The following OSCAR variants were observed in gnomAD, a reference collection of about 807,000 sequenced individuals.
The protein encoded by OSCAR is osteoclast associated Ig-like receptor.
OSCAR carries 25 observed loss-of-function variants against 27.3 expected under a neutral mutation model. The ratio of observed to expected loss-of-function variants is 0.92; its 90% CI spans 0.67 to 1.28. The LOEUF (loss-of-function observed/expected upper bound fraction) is 1.28, where lower values mean the gene tolerates loss of function less well. Ranked by LOEUF, OSCAR falls within the 50% of genes most tolerant of loss-of-function variation. The pLI, the probability that OSCAR is intolerant of heterozygous loss-of-function variation, is 0.00. For missense variants in OSCAR, 354 were observed against 355.1 expected (o/e 1.00, Z 0.03); for synonymous variants, 158 against 165.7 (o/e 0.95, Z 0.36).
intron 3 of OSCAR, among the ~76,000 whole-genome samples, chr19:54,096,625 T>TCTCTCTGCCTCC (rs2072738125): frequency 6.7e-6 from 1 of 149,084 alleles, no homozygotes; most frequent in African/African-American, 2.5e-5. Context: ...TGCCTCCCTC[T>TCTCTCTGCCTCC]CTCTCTGCCT....
rs1021279192 is a variant in OSCAR, at chr19:54,095,151, C to G, written c.*70G>C. 21 of 1,546,448 alleles carry G rather than the reference C, an allele frequency of 1.4e-5. No individual in the cohort carries two copies. The African/African-American group carries it at 1.5e-4, about 11-fold the overall frequency. ...AGGACTGTGGGGCTGCAGGAAAGGA[C>G]AGTCCAGCCCAGGGTCCCAGCTTCT... is the stretch of plus-strand genomic sequence containing the variant. On this transcript the variant is annotated 3_prime_UTR_variant, in exon 5 of 5. Transcript: ENST00000358375.
At chr19:54,099,692 G>A in intron 2 of OSCAR, 56 bp downstream of exon 2, 1 of 1,613,820 alleles carries the variant, frequency 6.2e-7, no homozygotes, top group Non-Finnish European at 8.5e-7. Flanking sequence ...TAAAATCTGA[G>A]TAATTGGAAA....
rs1338152705 is a variant in OSCAR, at chr19:54,096,130, C to G, written c.397G>C (p.Val133Leu). ...VTEELPRPSL[V>L]ALPGPVVGPG... ...CCCACCACCGGCCCGGGCAGCGCCA[C>G]CAGCGACGGCCGCGGCAGCTCCTCT... Residue 133 changes from valine (V) to leucine (L), a missense_variant, in exon 4 of 5, where the codon GTG becomes CTG. Coordinates refer to ENST00000358375, the MANE Select transcript of OSCAR (RefSeq NM_133169.6). 2 of 1,524,434 alleles carry G rather than the reference C, an allele frequency of 1.3e-6. No homozygotes were observed. The highest frequency in any genetic ancestry group is 1.8e-6 in the Non-Finnish European group (2 of 1,142,704). The allele number at this position is 1,524,434 out of a possible 1,614,324, so 94.4% of individuals were successfully genotyped here.
chr19:54,099,722 GGA>G lies in OSCAR; in HGVS notation c.70+24_70+25del, dbSNP rs748425657. On this transcript the variant is annotated intron_variant, in intron 2 of 4. Transcript: ENST00000358375. ...TGGAAAAGGGGTGTCAGCAACAAAA[GGA>G]GAGTGGATGGGGTGGCTACTCACCA... 3.1e-6 allele frequency: 5 copies of G among 1,613,792 alleles called. No individual in the cohort carries two copies. In the East Asian group the frequency reaches 1.1e-4, roughly 36 times the overall value.
Position 54,095,298 on chromosome 19 carries a change from C to G in OSCAR, c.715G>C (p.Val239Leu), listed in dbSNP as rs757606507. Residue 239 changes from valine to leucine, a missense_variant, in exon 5 of 5, where the codon GTC becomes CTC. Coordinates refer to ENST00000358375, the MANE Select transcript of OSCAR (RefSeq NM_133169.6). The part of the protein sequence containing the change: ...NLVRLGLAGL[V>L]LISLGALVTF... The stretch of plus-strand genomic sequence containing the variant: ...ACCAGCGCGCCCAGGGAGATGAGGA[C>G]CAGCCCGGCCAGCCCCAGGCGGACT... The G allele has an allele frequency of 7.4e-5, 117 of 1,587,796 alleles. No individual in the cohort carries two copies. The Middle Eastern group carries it at 7.9e-4, about 11-fold the overall frequency.
At chr19:54,099,822 T>C (rs1289426991) in intron 1 of OSCAR, 42 bp from the exon 2 acceptor site, 2 of 1,591,360 alleles carry the variant, frequency 1.3e-6, no homozygotes, top group South Asian at 1.1e-5. Flanking sequence ...CCTTTTTTTT[T>C]TTTTGTCTGA....
intron 2 of OSCAR, 64 bp downstream of exon 2, chr19:54,099,684 A>T (rs2072942998): frequency 1.9e-6 from 3 of 1,613,790 alleles, no homozygotes; most frequent in Admixed American, 1.7e-5. Context: ...CACCAAAATA[A>T]AATCTGAGTA....
At position 54,097,584 on chromosome 19, in the gene OSCAR, C is replaced by CTTTTTTT. The variant is rs33998262; in HGVS notation, c.71-427_71-421dup. On this transcript the variant is annotated intron_variant, in intron 2 of 4. Transcript: ENST00000358375. ...ACAAGCTTGTGCCACCACACCCAGACTTTTTTTTTTTTTTTTTTTTTTTTT... is the reference window on the plus strand; with the variant it reads ...ACAAGCTTGTGCCACCACACCCAGACTTTTTTTTTTTTTTTTTTTTTTTTTTTTTTTT... Among the ~76,000 whole-genome samples, 19 of 37,458 alleles carry CTTTTTTT rather than the reference C, an allele frequency of 5.1e-4. 2 individuals carry two copies. The highest frequency in any genetic ancestry group is 1.7e-3 in the African/African-American group (15 of 8,724). 24.6% of individuals were successfully genotyped at this position (37,458 alleles called of 152,430 possible).
chr19:54,100,087 G>T (rs1324545292), intron 1 of OSCAR, among the ~76,000 whole-genome samples: 5 of 152,054 alleles, frequency 3.3e-5, no homozygotes, highest in Admixed American at 2.6e-4. Context: ...GCTGGGCCTC[G>T]GCTCCCACAG....
chr19:54,099,634 A>T, intron 2 of OSCAR, 114 bp downstream of exon 2: 1 of 1,613,428 alleles, frequency 6.2e-7, no homozygotes, highest in Non-Finnish European at 8.5e-7. Context: ...GAAGGAATGG[A>T]GGGAGGGAGG....
In OSCAR at chr19:54,095,292, TGAG is replaced by T; in HGVS notation, c.718_720del (p.Leu240del). The T allele has an allele frequency of 6.3e-7, 1 of 1,596,704 alleles. No individual in the cohort carries two copies. The highest frequency in any genetic ancestry group is 8.5e-7 in the Non-Finnish European group (1 of 1,172,408). Reference sequence around the variant, plus strand: ...AAAGTGACCAGCGCGCCCAGGGAGATGAGGACCAGCCCGGCCAGCCCCAGGCGG... The same window carrying T: ...AAAGTGACCAGCGCGCCCAGGGAGATGACCAGCCCGGCCAGCCCCAGGCGG... On this transcript the variant is annotated inframe_deletion, in exon 5 of 5. Transcript: ENST00000358375.
At chr19:54,099,063 G>GTT (rs587661944) in intron 2 of OSCAR, among the ~76,000 whole-genome samples, 1 of 149,782 alleles carries the variant, frequency 6.7e-6, no homozygotes, top group African/African-American at 2.5e-5. Context: ...AGTTTTTTTT[G>GTT]TTTGTTTGTT....
chr19:54,099,660 G>A, intron 2 of OSCAR, 88 bp downstream of exon 2: 1 of 1,613,742 alleles, frequency 6.2e-7, no homozygotes, highest in Non-Finnish European at 8.5e-7. Context: ...AAGGATATCT[G>A]GGATGGGATT....
At chr19:54,096,415 CCT>C (rs1235354042) in intron 3 of OSCAR, among the ~76,000 whole-genome samples, 5 of 109,050 alleles carry the variant, frequency 4.6e-5, no homozygotes, top group African/African-American at 1.1e-4. Context: ...TCTCTGCCTC[CCT>C]CTCTCTCTGC....
At position 54,096,846 on chromosome 19, in the gene OSCAR, G is replaced by T; in HGVS notation, c.373+16C>A. The T allele has an allele frequency of 6.2e-7, 1 of 1,605,596 alleles. No homozygotes were observed. The highest frequency in any genetic ancestry group is 8.5e-7 in the Non-Finnish European group (1 of 1,175,260). Reference sequence around the variant, plus strand: ...CTTGTTCCACCCACTTCTCCTCCCCGACCCCAGGACCTCACCTGTCACCAG... The same window carrying T: ...CTTGTTCCACCCACTTCTCCTCCCCTACCCCAGGACCTCACCTGTCACCAG... On this transcript the variant is annotated intron_variant, in intron 3 of 4. Transcript: ENST00000358375.
intron 1 of OSCAR, among the ~76,000 whole-genome samples, chr19:54,100,143 G>A (rs947431396): frequency 2.0e-5 from 3 of 152,112 alleles, no homozygotes; most frequent in Non-Finnish European, 4.4e-5. Context: ...AAAACCCTTT[G>A]TGGCCAGCCC....
rs746904677 is a variant in OSCAR, at chr19:54,099,796, G to A, written c.38-16C>T. On this transcript the variant is annotated splice_polypyrimidine_tract_variant and intron_variant, in intron 1 of 4. Transcript: ENST00000358375. Reference sequence around the variant, plus strand: ...CACAGAGGCCCTGTAGGAGGTTGAGGGACTAGTTTCTTTTTCCTTTTTTTT... The same window carrying A: ...CACAGAGGCCCTGTAGGAGGTTGAGAGACTAGTTTCTTTTTCCTTTTTTTT... The A allele has an allele frequency of 2.5e-6, 4 of 1,597,510 alleles. No individual in the cohort carries two copies. Among genetic ancestry groups the A allele is most frequent in the Non-Finnish European group, 3.4e-6 (4 of 1,175,246 alleles).
At position 54,095,119 on chromosome 19, in the gene OSCAR, A is replaced by G; in HGVS notation, c.*102T>C. ...GTCTAAGGACCGTTCCGCGGAGCTCAGCCAGCAGGACTGTGGGGCTGCAGG... is the reference window on the plus strand; with the variant it reads ...GTCTAAGGACCGTTCCGCGGAGCTCGGCCAGCAGGACTGTGGGGCTGCAGG... On this transcript the variant is annotated 3_prime_UTR_variant, in exon 5 of 5. Coordinates refer to ENST00000358375, the MANE Select transcript of OSCAR (RefSeq NM_133169.6). 1.4e-6 allele frequency: 2 copies of G among 1,480,694 alleles called. No homozygotes were observed. The highest frequency in any genetic ancestry group is 1.4e-5 in the African/African-American group (1 of 71,428). The allele number at this position is 1,480,694 out of a possible 1,614,324, so 91.7% of individuals were successfully genotyped here.
At chr19:54,096,239 G>T (rs1165722834) in intron 3 of OSCAR, 86 bp from the exon 4 acceptor site, 1 of 1,194,146 alleles carries the variant, frequency 8.4e-7, no homozygotes, top group Non-Finnish European at 1.1e-6. Flanking sequence ...TCTGTCTCTC[G>T]CTTTCTCTGT....
Sources: allele counts gnomAD v4.1 joint callset (sites outside exome capture counted in the v4.1 genomes callset), GRCh38; gene constraint gnomAD v4.1.1; transcripts MANE v1.5; gene names NCBI Gene and HGNC (gene_info 2026-07-23, HGNC 2026-07-21).